CSTF1: variants seen among roughly 807,000 people sequenced by gnomAD.
CSTF1 encodes the protein CF-1 50 kDa subunit.
In CSTF1, 2 loss-of-function variants were observed where a neutral mutation model predicts 40.9. The ratio of observed to expected loss-of-function variants is 0.05; its 90% CI spans 0.02 to 0.15. The LOEUF (loss-of-function observed/expected upper bound fraction) is 0.15. Ranked by LOEUF, CSTF1 falls within the 10% of genes least tolerant of loss-of-function variation. The pLI is 1.00. For synonymous variants in CSTF1, 218 were observed against 207.2 expected (o/e 1.05, Z -0.45); for missense variants, 279 against 558.9 (o/e 0.50, Z 5.05).
chr20:56,403,629 G>A lies in CSTF1; in HGVS notation c.1198G>A (p.Val400Ile), dbSNP rs778642974. The stretch of plus-strand genomic sequence containing the variant: ...GCTGTCGTTGGGGCACAACAATATT[G>A]TACGCTGCATAGTGCACTCCCCCAC... ...NLLSLGHNNIVRCIVHSPTNP... is the reference protein window; with the variant it reads ...NLLSLGHNNIIRCIVHSPTNP... Residue 400 changes from valine (V) to isoleucine (I), a missense_variant, in exon 6 of 6, where the codon GTA (valine) becomes ATA (isoleucine). Transcript: ENST00000217109. 1 of 1,614,106 alleles carries A rather than the reference G, an allele frequency of 6.2e-7. No homozygotes were observed. Among genetic ancestry groups the A allele is most frequent in the South Asian group, 1.1e-5 (1 of 91,078 alleles).
chr20:56,395,969 T>C, intron 2 of CSTF1: 3 of 376,102 alleles, frequency 8.0e-6, no homozygotes, highest in Non-Finnish European at 1.4e-5. Flanking sequence ...TGGAACACTC[T>C]GTCAGACATA....
Position 56,404,954 on chromosome 20 carries a change from C to G in CSTF1, c.*1227C>G, listed in dbSNP as rs906910593. On this transcript the variant is annotated 3_prime_UTR_variant, in exon 6 of 6. Transcript: ENST00000217109. ...TTTTGGGATTACAGGCGTGAGCCAC[C>G]GCGCCCAGCCTTCCTGAAGCTTTTT... 6.6e-6 allele frequency: 1 copy of G among 151,466 alleles called. No homozygotes were observed. The highest frequency in any genetic ancestry group is 2.4e-5 in the African/African-American group (1 of 41,108). The allele number at this position is 151,466 out of a possible 1,614,324, so 9.4% of individuals were successfully genotyped here. A position where few individuals can be genotyped will look rare whatever the true frequency, so the allele number is the denominator to read the frequency against.
At chr20:56,400,907 C>T (rs1422160772) in intron 5 of CSTF1, among the ~76,000 whole-genome samples, 9 of 151,982 alleles carry the variant, frequency 5.9e-5, no homozygotes, top group South Asian at 4.1e-4. Flanking sequence ...GGCTTGGTGG[C>T]GGGCGCCTGT....
rs1978366957 is a variant in CSTF1, at chr20:56,399,599, T to G, written c.1036+242T>G. Among the ~76,000 whole-genome samples, 1 of 152,258 alleles carries G rather than the reference T, an allele frequency of 6.6e-6. No individual in the cohort carries two copies. The highest frequency in any genetic ancestry group is 1.5e-5 in the Non-Finnish European group (1 of 68,048). On this transcript the variant is annotated intron_variant, in intron 5 of 5. Coordinates refer to ENST00000217109, the MANE Select transcript of CSTF1 (RefSeq NM_001324.3). The surrounding 1 kb of genome is among the most constrained non-coding windows in gnomAD (Gnocchi z 4.6). Reference sequence around the variant, plus strand: ...AGCACCTCACACCGTGGACTAGGGCTGGATTCCATGCAAGTAACATTTGAG... The same window carrying G: ...AGCACCTCACACCGTGGACTAGGGCGGGATTCCATGCAAGTAACATTTGAG...
Position 56,404,812 on chromosome 20 carries a change from A to ATTTTTTTTTTTTTTTTTTTTTTT in CSTF1, c.*1089_*1111dup, listed in dbSNP as rs71198364. 65 of 50,924 alleles carry ATTTTTTTTTTTTTTTTTTTTTTT rather than the reference A, an allele frequency of 1.3e-3. 4 individuals carry two copies. The highest frequency in any genetic ancestry group is 4.3e-3 in the African/African-American group (36 of 8,348). 3.2% of individuals were successfully genotyped at this position (50,924 alleles called of 1,614,324 possible). ...AGGCACCCACCACCACGCCCGGCTA[A>ATTTTTTTTTTTTTTTTTTTTTTT]TTTTTTTTTTTTTTTTTTTTTTTTT... On this transcript the variant is annotated 3_prime_UTR_variant, in exon 6 of 6. Transcript: ENST00000217109.
At chr20:56,394,827 A>G (rs181593653) in intron 1 of CSTF1, among the ~76,000 whole-genome samples, 6 of 141,440 alleles carry the variant, frequency 4.2e-5, no homozygotes, top group Non-Finnish European at 7.6e-5. Flanking sequence ...TGCATGCACA[A>G]TCCTTCCCGA....
At position 56,404,029 on chromosome 20, in the gene CSTF1, A is replaced by G. The variant is rs1978595422; in HGVS notation, c.*302A>G. The G allele has an allele frequency of 7.2e-6, 2 of 278,856 alleles. No individual in the cohort carries two copies. Among genetic ancestry groups the G allele is most frequent in the Non-Finnish European group, 1.4e-5 (2 of 147,340 alleles). 17.3% of individuals were successfully genotyped at this position (278,856 alleles called of 1,614,324 possible). ...TCTCTTGATTGAAGGAGGATAGGGC[A>G]TTAAAGTGCTTTTGACATGAGGAAT... On this transcript the variant is annotated 3_prime_UTR_variant, in exon 6 of 6. Coordinates refer to ENST00000217109, the MANE Select transcript of CSTF1 (RefSeq NM_001324.3).
chr20:56,399,574 A>G lies in CSTF1; in HGVS notation c.1036+217A>G, dbSNP rs1292023304. Among the ~76,000 whole-genome samples, 3 of 152,218 alleles carry G rather than the reference A, an allele frequency of 2.0e-5. No individual in the cohort carries two copies. The highest frequency in any genetic ancestry group is 6.5e-5 in the Admixed American group (1 of 15,278). On this transcript the variant is annotated intron_variant, in intron 5 of 5. Coordinates refer to ENST00000217109, the MANE Select transcript of CSTF1 (RefSeq NM_001324.3). This position sits in a 1 kb window ranked among gnomAD's most constrained non-coding sequence, Gnocchi z 4.6. ...GAACGGTGCTTTCTTTGCTCTTCTG[A>G]GCACCTCACACCGTGGACTAGGGCT...
Position 56,403,577 on chromosome 20 carries a change from C to T in CSTF1, c.1146C>T (p.Asp382=). ...GGACGATCAGTCTTTGCTGCTGGGA[C>T]TCGAGGACAGCCGAGCGGAGAAACC... ...DERTISLCCW[D]SRTAERRNLL... The change falls in exon 6 of 6, where the codon GAC becomes GAT. Residue 382 remains aspartate, a synonymous_variant. Transcript: ENST00000217109. 1.9e-6 allele frequency: 3 copies of T among 1,614,104 alleles called. No individual in the cohort carries two copies. The highest frequency in any genetic ancestry group is 2.5e-6 in the Non-Finnish European group (3 of 1,180,032).
intron 5 of CSTF1, among the ~76,000 whole-genome samples, chr20:56,402,818 C>T (rs775333924): frequency 4.0e-5 from 6 of 151,794 alleles, no homozygotes; most frequent in Non-Finnish European, 8.8e-5. Context: ...ACCTGTAGTC[C>T]CAGCTACTTG....
intron 4 of CSTF1, 43 bp from the exon 5 acceptor site, chr20:56,398,924 G>C (rs764789249): frequency 2.6e-5 from 40 of 1,509,592 alleles, no homozygotes; most frequent in Admixed American, 1.9e-4. Flanking sequence ...GGATTTAATT[G>C]TTCACCAGTT....
intron 1 of CSTF1, among the ~76,000 whole-genome samples, chr20:56,394,893 A>G (rs1458986301): frequency 6.6e-6 from 1 of 151,382 alleles, no homozygotes; most frequent in Admixed American, 6.6e-5. Flanking sequence ...GCAATATTTT[A>G]TTGGGCAGCT....
chr20:56,403,399 G>A (rs1429730594), intron 5 of CSTF1, 69 bp from the exon 6 acceptor site: 1 of 1,569,018 alleles, frequency 6.4e-7, no homozygotes, highest in African/African-American at 1.4e-5. Flanking sequence ...CTTTTACATT[G>A]AATGCTAGAA....
At position 56,403,579 on chromosome 20, in the gene CSTF1, C is replaced by G; in HGVS notation, c.1148C>G (p.Ser383Trp). ...ERTISLCCWD[S>W]RTAERRNLLS... ...ACGATCAGTCTTTGCTGCTGGGACT[C>G]GAGGACAGCCGAGCGGAGAAACCTG... is the stretch of plus-strand genomic sequence containing the variant. The change falls in exon 6 of 6, where the codon TCG becomes TGG. Residue 383 changes from serine to tryptophan, a missense_variant. Ser to Trp is a radical substitution (Grantham distance 177). Transcript: ENST00000217109. 6.2e-7 allele frequency: 1 copy of G among 1,614,006 alleles called. No individual in the cohort carries two copies. The highest frequency in any genetic ancestry group is 8.5e-7 in the Non-Finnish European group (1 of 1,180,018).
chr20:56,394,634 G>A (rs1987464815), intron 1 of CSTF1, among the ~76,000 whole-genome samples: 1 of 152,212 alleles, frequency 6.6e-6, no homozygotes, highest in Non-Finnish European at 1.5e-5. Flanking sequence ...ATTCTTTATT[G>A]CTGTCCCCAG....
Position 56,403,447 on chromosome 20 carries a change from C to T in CSTF1, c.1037-21C>T, listed in dbSNP as rs544048723. 2.2e-5 allele frequency: 35 copies of T among 1,612,300 alleles called. No individual in the cohort carries two copies. The South Asian group carries it at 3.1e-4, about 14-fold the overall frequency. ...CTAAGATGTGGACTTAGAAAGCTAT[C>T]CCTCTTGCTCTCTGTGGCAGGCGCG... is the stretch of plus-strand genomic sequence containing the variant. On this transcript the variant is annotated intron_variant, in intron 5 of 5. Transcript: ENST00000217109.
At position 56,397,087 on chromosome 20, in the gene CSTF1, T is replaced by C; in HGVS notation, c.170-120T>C. 1.8e-6 allele frequency: 2 copies of C among 1,098,376 alleles called. No homozygotes were observed. The highest frequency in any genetic ancestry group is 2.6e-6 in the Non-Finnish European group (2 of 765,230). The allele number at this position is 1,098,376 out of a possible 1,614,324, so 68.0% of individuals were successfully genotyped here. On this transcript the variant is annotated intron_variant, in intron 2 of 5. Transcript: ENST00000217109. The surrounding 1 kb of genome is among the most constrained non-coding windows in gnomAD (Gnocchi z 4.4). ...TGTAAAGTGTTAGGTGTCACGCGGC[T>C]CCAAGAAATAGGAGGTTGACACTGG...
At position 56,403,305 on chromosome 20, in the gene CSTF1, T is replaced by C. The variant is rs140320720; in HGVS notation, c.1037-163T>C. ...TACTGGGATTACAGACGTGAGCCAC[T>C]GTGCCTGGTTTGATTTTCTTTTTTG... On this transcript the variant is annotated intron_variant, in intron 5 of 5. Transcript: ENST00000217109. Among the ~76,000 whole-genome samples the C allele has an allele frequency of 2.8e-3, 424 of 152,276 alleles. 1 individual carries two copies. The highest frequency in any genetic ancestry group is 8.5e-3 in the African/African-American group (354 of 41,546).
In CSTF1 at chr20:56,397,955, C is replaced by A; in HGVS notation, c.645+114C>A. Reference sequence around the variant, plus strand: ...GATCATCCTGTAAGATGCGTACAGACCAGGATGCATGCCCGATGGCACATG... The same window carrying A: ...GATCATCCTGTAAGATGCGTACAGAACAGGATGCATGCCCGATGGCACATG... On this transcript the variant is annotated intron_variant, in intron 4 of 5. Coordinates refer to ENST00000217109, the MANE Select transcript of CSTF1 (RefSeq NM_001324.3). The surrounding 1 kb of genome is among the most constrained non-coding windows in gnomAD (Gnocchi z 4.4). 1 of 814,934 alleles carries A rather than the reference C, an allele frequency of 1.2e-6. No homozygotes were observed. Among genetic ancestry groups the A allele is most frequent in the Non-Finnish European group, 1.9e-6 (1 of 520,610 alleles). The allele number at this position is 814,934 out of a possible 1,614,324, so 50.5% of individuals were successfully genotyped here. A position where few individuals can be genotyped will look rare whatever the true frequency, so the allele number is the denominator to read the frequency against.
Sources: allele counts gnomAD v4.1 joint callset (sites outside exome capture counted in the v4.1 genomes callset), GRCh38; gene constraint gnomAD v4.1.1; non-coding constraint Gnocchi (gnomAD v3.1); transcripts MANE v1.5; gene names NCBI Gene and HGNC (gene_info 2026-07-23, HGNC 2026-07-21).